The following RBFOX1 variants were observed in gnomAD, a reference collection of about 807,000 sequenced individuals.
RBFOX1 encodes RNA binding fox-1 homolog 1.
Under a neutral mutation model 57.7 loss-of-function variants are expected in RBFOX1, and 8 were observed. That is an observed-to-expected ratio of 0.14 (90% confidence interval 0.08 to 0.25). The LOEUF (loss-of-function observed/expected upper bound fraction) is 0.25, where lower values mean the gene tolerates loss of function less well. RBFOX1 is among the 10% of genes least tolerant of loss of function. RBFOX1 has a pLI of 1.00. For synonymous variants in RBFOX1, 326 were observed against 222.4 expected (o/e 1.47, Z -4.15); for missense variants, 611 against 548.5 (o/e 1.11, Z -1.14).
intron 3 of RBFOX1, among the ~76,000 whole-genome samples, chr16:6,915,807 C>T (rs2073021454): frequency 1.3e-5 from 2 of 152,110 alleles, no homozygotes; most frequent in South Asian, 4.1e-4. Context: ...CTGCCCTGGC[C>T]TCGCAAAGTC....
chr16:6,348,798 C>T (rs565175774), intron 2 of RBFOX1, among the ~76,000 whole-genome samples: 1 of 152,248 alleles, frequency 6.6e-6, no homozygotes, highest in Non-Finnish European at 1.5e-5. Context: ...ATCCCATCAC[C>T]TCCCATCAGG....
chr16:6,024,560 C>T (rs2095149583), intron 1 of RBFOX1, among the ~76,000 whole-genome samples: 1 of 152,152 alleles, frequency 6.6e-6, no homozygotes. Flanking sequence ...GTGATCTCAT[C>T]TCACTGCCAC....
At chr16:6,579,640 C>G (rs1330701857) in intron 2 of RBFOX1, among the ~76,000 whole-genome samples, 1 of 152,222 alleles carries the variant, frequency 6.6e-6, no homozygotes, top group Non-Finnish European at 1.5e-5. Context: ...TGTTCTGAGG[C>G]TTCCCAAGCC....
chr16:5,686,717 G>T (rs2050516299), intron 3 of RBFOX1, among the ~76,000 whole-genome samples: 1 of 152,136 alleles, frequency 6.6e-6, no homozygotes, highest in Non-Finnish European at 1.5e-5. Context: ...TCTCATAGTG[G>T]AAATTGCCGA....
At chr16:5,434,976 A>C (rs1031154952) in intron 1 of RBFOX1, among the ~76,000 whole-genome samples, 1 of 152,230 alleles carries the variant, frequency 6.6e-6, no homozygotes, top group Non-Finnish European at 1.5e-5. Context: ...CACATTATCA[A>C]GGTTTACAAT....
chr16:6,701,914 C>T (rs1219283791), intron 3 of RBFOX1, among the ~76,000 whole-genome samples: 1 of 152,018 alleles, frequency 6.6e-6, no homozygotes, highest in South Asian at 2.1e-4. Flanking sequence ...CACACGGACA[C>T]AAAGGGACAA....
intron 4 of RBFOX1, among the ~76,000 whole-genome samples, chr16:7,139,176 C>CTCTCTCTCTCTCTCTGTG (rs372381673): frequency 4.7e-4 from 68 of 145,906 alleles, no homozygotes; most frequent in Admixed American, 1.3e-3. Flanking sequence ...CAATCTCTCT[C>CTCTCTCTCTCTCTCTGTG]TGTGTGTGTG....
chr16:6,280,820 C>T (rs73535370), intron 1 of RBFOX1, among the ~76,000 whole-genome samples: 8,875 of 151,898 alleles, frequency 0.058, 861 homozygotes, highest in African/African-American at 0.2. Flanking sequence ...CAGAAAATCC[C>T]GAGGACACAT....
rs371733732 is a variant in RBFOX1, at chr16:5,628,049, A to C, written c.318+29088A>C. On this transcript the variant is annotated intron_variant, in intron 3 of 19. Coordinates refer to the RBFOX1 transcript ENST00000641259. ...GAGAGGAATTCCTTATATTTTGAAT[A>C]TTAAGTAAAGTAGTATAAGGGTGAT... Among the ~76,000 whole-genome samples the C allele has an allele frequency of 1.6e-3, 242 of 152,322 alleles. 1 individual carries two copies. The highest frequency in any genetic ancestry group is 5.3e-3 in the African/African-American group (222 of 41,566).
intron 4 of RBFOX1, among the ~76,000 whole-genome samples, chr16:7,467,450 A>G (rs2060737132): frequency 6.6e-6 from 1 of 152,198 alleles, no homozygotes; most frequent in Non-Finnish European, 1.5e-5. Flanking sequence ...ACAGTGGTTG[A>G]AAAACCCCAA....
intron 3 of RBFOX1, among the ~76,000 whole-genome samples, chr16:5,727,436 G>GTATATATGTTA (rs1160453552): frequency 6.6e-6 from 1 of 152,106 alleles, no homozygotes; most frequent in East Asian, 1.9e-4. Context: ...ACTGTGAAAC[G>GTATATATGTTA]CTCACCACAA....
chr16:6,940,751 C>T (rs976995641), intron 3 of RBFOX1, among the ~76,000 whole-genome samples: 1 of 148,908 alleles, frequency 6.7e-6, no homozygotes. Flanking sequence ...GCGCCCGCCA[C>T]CATGTCCCGC....
chr16:5,908,860 G>T (rs955969310), intron 4 of RBFOX1, among the ~76,000 whole-genome samples: 1 of 151,922 alleles, frequency 6.6e-6, no homozygotes, highest in African/African-American at 2.4e-5. Context: ...TCATGAGTGG[G>T]ATTAGTGTCC....
At chr16:6,539,836 C>CACACACACACACACACACAG (rs2096788479) in intron 2 of RBFOX1, among the ~76,000 whole-genome samples, 1 of 151,526 alleles carries the variant, frequency 6.6e-6, no homozygotes, top group African/African-American at 2.4e-5. Context: ...CACACACACA[C>CACACACACACACACACACAG]AGACTTTAGA....
At chr16:7,486,323 C>T (rs967412771) in intron 4 of RBFOX1, among the ~76,000 whole-genome samples, 4 of 151,248 alleles carry the variant, frequency 2.6e-5, no homozygotes, top group Admixed American at 6.6e-5. Context: ...GGTAGAGATG[C>T]GGTTTCACCA....
At chr16:6,186,766 A>G (rs898334819) in intron 1 of RBFOX1, among the ~76,000 whole-genome samples, 1 of 152,176 alleles carries the variant, frequency 6.6e-6, no homozygotes, top group African/African-American at 2.4e-5. Context: ...ACATGGCAAC[A>G]TTGGTGCCAA....
chr16:7,369,609 A>G (rs997270624), intron 4 of RBFOX1, among the ~76,000 whole-genome samples: 2 of 152,174 alleles, frequency 1.3e-5, no homozygotes, highest in African/African-American at 4.8e-5. Context: ...TTATCTCAAT[A>G]CTTTTGTCTG....
intron 1 of RBFOX1, among the ~76,000 whole-genome samples, chr16:6,224,873 G>C (rs2097404205): frequency 6.6e-6 from 1 of 151,996 alleles, no homozygotes; most frequent in Admixed American, 6.6e-5. Context: ...CAAAAAATTA[G>C]CTGGGTGTGG....
At chr16:7,699,558 G>C (rs2148034213) in intron 14 of RBFOX1, among the ~76,000 whole-genome samples, 1 of 152,254 alleles carries the variant, frequency 6.6e-6, no homozygotes, top group East Asian at 1.9e-4. Flanking sequence ...GTTCACATGT[G>C]GCTGTGGAGC....
Sources: gnomAD v4.1 joint callset for allele counts (sites outside exome capture counted in the v4.1 genomes callset) on GRCh38, gnomAD v4.1.1 for gene constraint, MANE v1.5 for transcripts, NCBI Gene and HGNC (gene_info 2026-07-23, HGNC 2026-07-21) for gene names.